The following CX3CR1 variants were observed in gnomAD, a reference collection of about 807,000 sequenced individuals.
The protein encoded by CX3CR1 is C-X3-C motif chemokine receptor 1.
For missense variants in CX3CR1, 363 were observed against 432.4 expected, an observed-to-expected ratio of 0.84 and a Z score of 1.42; for synonymous variants, 168 against 178.5, an observed-to-expected ratio of 0.94 and a Z score of 0.47.
intron 1 of CX3CR1, among the ~76,000 whole-genome samples, chr3:39,269,296 GGGGTCCCAAATCAGGCCCTT>G (rs2040744905): frequency 6.6e-6 from 1 of 152,200 alleles, no homozygotes; most frequent in African/African-American, 2.4e-5. Context: ...GAGTGGCAGA[GGGGTCCCAAATCAGGCCCTT>G]TGCCTTACTG....
intron 1 of CX3CR1, among the ~76,000 whole-genome samples, chr3:39,279,617 A>G (rs2040874097): frequency 6.6e-6 from 1 of 152,184 alleles, no homozygotes; most frequent in African/African-American, 2.4e-5. Flanking sequence ...CTTTAATACA[A>G]TTTCTCATCT....
At chr3:39,278,308 C>A (rs2040860700) in intron 1 of CX3CR1, among the ~76,000 whole-genome samples, 1 of 152,210 alleles carries the variant, frequency 6.6e-6, no homozygotes, top group South Asian at 2.1e-4. Context: ...TCCTGCCCTG[C>A]CTTCCTTTGT....
At chr3:39,267,424 C>A (rs1253737983) in intron 1 of CX3CR1, among the ~76,000 whole-genome samples, 5 of 152,186 alleles carry the variant, frequency 3.3e-5, no homozygotes, top group Non-Finnish European at 5.9e-5. Flanking sequence ...TTTTGAGAAC[C>A]ATTTCACCTC....
In CX3CR1 at chr3:39,270,809, G is replaced by A. The variant is rs376565773; in HGVS notation, c.-9-4291C>T. Among the ~76,000 whole-genome samples the A allele has an allele frequency of 9.3e-4, 141 of 152,172 alleles. No individual in the cohort carries two copies. In the South Asian group the frequency reaches 0.027, roughly 29 times the overall value. The stretch of plus-strand genomic sequence containing the variant: ...TTTTGGAAAATAGTTTAATTAATTC[G>A]TTTGGAATTTTAAAATAAAAATCAA... On this transcript the variant is annotated intron_variant, in intron 1 of 1. Transcript: ENST00000399220.
At chr3:39,281,472 A>T, upstream of CX3CR1, 1 of 828,664 alleles carries the variant, frequency 1.2e-6, no homozygotes, top group Non-Finnish European at 1.9e-6. Flanking sequence ...CACACTCTTG[A>T]CGACAGTCTC....
At chr3:39,292,078 G>T in the CX3CR1 span, among the ~76,000 whole-genome samples, 1 of 152,352 alleles carries the variant, frequency 6.6e-6, no homozygotes, top group Admixed American at 6.5e-5. Context: ...GGCTGAGACG[G>T]GTGTGGGCAG....
chr3:39,271,015 C>T (rs2040768942), intron 1 of CX3CR1, among the ~76,000 whole-genome samples: 2 of 152,150 alleles, frequency 1.3e-5, no homozygotes, highest in South Asian at 4.1e-4. Context: ...TGCAATAGGG[C>T]TGCAGTGAGG....
the CX3CR1 span, chr3:39,287,202 T>C: frequency 6.6e-6 from 1 of 152,232 alleles, no homozygotes; most frequent in South Asian, 2.1e-4. Flanking sequence ...AAACAAAATA[T>C]CAATATTTAT....
chr3:39,287,072 G>A, the CX3CR1 span: 2 of 152,230 alleles, frequency 1.3e-5, no homozygotes, highest in Non-Finnish European at 2.9e-5. Context: ...GTTATAGCAA[G>A]AAGCCCTTTC....
At position 39,266,472 on chromosome 3, in the gene CX3CR1, T is replaced by C. The variant is rs1457393354; in HGVS notation, c.38A>G (p.Glu13Gly). 4 of 1,613,932 alleles carry C rather than the reference T, an allele frequency of 2.5e-6. No homozygotes were observed. Among genetic ancestry groups the C allele is most frequent in the African/African-American group, 1.3e-5 (1 of 74,924 alleles). The change falls in exon 2 of 2, where the codon GAG (glutamate) becomes GGG (glycine). Residue 13 changes from glutamate to glycine, a missense_variant. Physicochemically the swap from Glu to Gly is moderately conservative, Grantham distance 98. Transcript: ENST00000399220. ...QFPESVTENF[E>G]YDDLAEACYI... is the part of the protein sequence containing the mutation. The stretch of plus-strand genomic sequence containing the variant: ...ACAGGCCTCAGCCAAATCATCGTAC[T>C]CAAAGTTTTCTGTCACTGATTCAGG...
the CX3CR1 span, chr3:39,287,733 T>C: frequency 1.3e-5 from 2 of 152,228 alleles, no homozygotes; most frequent in African/African-American, 2.4e-5. Flanking sequence ...AAATCTACAA[T>C]GTTGAGTTAA....
At position 39,265,938 on chromosome 3, in the gene CX3CR1, C is replaced by A. The variant is rs768761417; in HGVS notation, c.572G>T (p.Arg191Leu). The change falls in exon 2 of 2, where the codon CGC becomes CTC. Residue 191 changes from arginine (R) to leucine (L), a missense_variant. Coordinates refer to ENST00000399220, the MANE Select transcript of CX3CR1 (RefSeq NM_001337.4). ...EVLQEIWPVL[R>L]NVETNFLGFL... ...GCCAAGAAAATTTGTTTCCACATTG[C>A]GGAGCACGGGCCAGATTTCCTGGAG... The A allele has an allele frequency of 1.2e-6, 2 of 1,614,150 alleles. No homozygotes were observed. The highest frequency in any genetic ancestry group is 1.1e-5 in the South Asian group (1 of 91,086).
At chr3:39,283,390 G>T (rs573149231), upstream of CX3CR1, among the ~76,000 whole-genome samples, 4 of 152,174 alleles carry the variant, frequency 2.6e-5, no homozygotes, top group South Asian at 8.3e-4. Context: ...GTTCTGGAAG[G>T]TTCTTGTGCT....
chr3:39,291,465 G>T, the CX3CR1 span, among the ~76,000 whole-genome samples: 1 of 152,084 alleles, frequency 6.6e-6, no homozygotes, highest in Non-Finnish European at 1.5e-5. Context: ...CCGCCTACTT[G>T]TCCTCTTCAA....
At chr3:39,286,980 A>C in the CX3CR1 span, 1 of 152,228 alleles carries the variant, frequency 6.6e-6, no homozygotes, top group Non-Finnish European at 1.5e-5. Context: ...ATGAAAACTT[A>C]AACAGTATGA....
rs1300371651 is a variant in CX3CR1, at chr3:39,265,570, C to T, written c.940G>A (p.Val314Ile). The change falls in exon 2 of 2, where the codon GTC (valine) becomes ATC (isoleucine). Residue 314 changes from valine (V) to isoleucine (I), a missense_variant. Physicochemically the swap from Val to Ile is conservative, Grantham distance 29 (BLOSUM62 3). Transcript: ENST00000399220. ...LYHLYGKCLA[V>I]LCGRSVHVDF... ...ACGTGGACTGAGCGCCCACACAGGACAGCCAGGCATTTCCCATACAGGTGG... is the reference window on the plus strand; with the variant it reads ...ACGTGGACTGAGCGCCCACACAGGATAGCCAGGCATTTCCCATACAGGTGG... The T allele has an allele frequency of 1.2e-6, 2 of 1,614,226 alleles. No homozygotes were observed.
chr3:39,278,660 T>C (rs929409027), intron 1 of CX3CR1, among the ~76,000 whole-genome samples: 2 of 147,228 alleles, frequency 1.4e-5, no homozygotes, highest in African/African-American at 5.0e-5. Flanking sequence ...CTTTTCTTTT[T>C]TTTTTTTTTT....
At chr3:39,281,657 CA>C (rs751377097), upstream of CX3CR1, 8 of 1,599,226 alleles carry the variant, frequency 5.0e-6, no homozygotes, top group Non-Finnish European at 6.8e-6. Context: ...TCCTGAAATC[CA>C]AGTCTGCCAA....
the CX3CR1 span, among the ~76,000 whole-genome samples, chr3:39,290,944 A>C: frequency 6.6e-6 from 1 of 152,038 alleles, no homozygotes; most frequent in Non-Finnish European, 1.5e-5. Context: ...AAACAACAAC[A>C]AAAAAATAAC....
Sources: allele counts gnomAD v4.1 joint callset (sites outside exome capture counted in the v4.1 genomes callset), GRCh38; gene constraint gnomAD v4.1.1; transcripts MANE v1.5; gene names NCBI Gene and HGNC (gene_info 2026-07-23, HGNC 2026-07-21).